Variants in PIK3C2G observed in about 807,000 individuals in gnomAD.
PIK3C2G encodes the protein phosphatidylinositol-4-phosphate 3-kinase catalytic subunit type 2 gamma.
A neutral mutation model predicts 181.1 loss-of-function variants in PIK3C2G; 168 were observed. That is an observed-to-expected ratio of 0.93 (90% CI 0.82 to 1.05). The LOEUF is 1.05. Ranked by LOEUF, PIK3C2G falls within the 50% of genes least tolerant of loss-of-function variation. The pLI, the probability that PIK3C2G is intolerant of heterozygous loss-of-function variation, is 0.00. For synonymous variants in PIK3C2G, 573 were observed against 592.2 expected (o/e 0.97, Z 0.47); for missense variants, 1,869 against 1,732.8 (o/e 1.08, Z -1.40).
At chr12:18,441,174 C>A (rs60789848) in intron 18 of PIK3C2G, among the ~76,000 whole-genome samples, 20,570 of 152,036 alleles carry the variant, frequency 0.14, 1,533 homozygotes, top group African/African-American at 0.19. Context: ...TCAAATGCTA[C>A]TGGTAGGTCA....
At chr12:18,559,821 T>TAGAGAGAGAGAGAGAG (rs1171468138) in intron 26 of PIK3C2G, among the ~76,000 whole-genome samples, 14 of 18,366 alleles carry the variant, frequency 7.6e-4, no homozygotes, top group Non-Finnish European at 1.1e-3. Context: ...TATATATATA[T>TAGAGAGAGAGAGAGAG]AGAGAGAGAG....
intron 31 of PIK3C2G, among the ~76,000 whole-genome samples, chr12:18,609,944 G>A (rs897256249): frequency 2.0e-5 from 3 of 151,980 alleles, no homozygotes; most frequent in African/African-American, 7.2e-5. Context: ...AAAAAAGGCT[G>A]GGTCCCATAT....
chr12:18,443,136 G>T (rs752015926), intron 18 of PIK3C2G, among the ~76,000 whole-genome samples: 1 of 152,140 alleles, frequency 6.6e-6, no homozygotes, highest in Non-Finnish European at 1.5e-5. Context: ...CTCCCAAAGG[G>T]CTGGGATTAC....
chr12:18,365,921 C>A (rs992455707), intron 12 of PIK3C2G, among the ~76,000 whole-genome samples: 3 of 152,142 alleles, frequency 2.0e-5, no homozygotes, highest in Admixed American at 1.3e-4. Flanking sequence ...TCGTTTCAGA[C>A]CCTATGTTCA....
chr12:18,460,498 C>T (rs551905082), intron 18 of PIK3C2G, among the ~76,000 whole-genome samples: 6 of 151,728 alleles, frequency 4.0e-5, no homozygotes, highest in Admixed American at 6.6e-5. Flanking sequence ...CGCTTGAACC[C>T]GGGAGGCAGA....
chr12:18,641,615 T>A (rs1949841504), intron 32 of PIK3C2G, among the ~76,000 whole-genome samples: 1 of 152,018 alleles, frequency 6.6e-6, no homozygotes, highest in Admixed American at 6.6e-5. Context: ...AGTCACATGA[T>A]CCATCCTCAT....
At chr12:18,481,738 G>A (rs1939579608) in intron 18 of PIK3C2G, among the ~76,000 whole-genome samples, 1 of 152,136 alleles carries the variant, frequency 6.6e-6, no homozygotes, top group South Asian at 2.1e-4. Context: ...AAGTGGTGGA[G>A]AGGGAATAAA....
chr12:18,329,469 T>C (rs2137529080), intron 8 of PIK3C2G, among the ~76,000 whole-genome samples: 1 of 152,118 alleles, frequency 6.6e-6, no homozygotes, highest in South Asian at 2.1e-4. Context: ...AGTTTGCATC[T>C]ACTAGCAATA....
At chr12:18,578,350 T>C (rs1442555398) in intron 29 of PIK3C2G, among the ~76,000 whole-genome samples, 1 of 152,204 alleles carries the variant, frequency 6.6e-6, no homozygotes, top group Admixed American at 6.5e-5. Flanking sequence ...GGACTTGGGA[T>C]AATATTCATT....
the PIK3C2G span, chr12:18,693,758 A>G: frequency 6.6e-7 from 1 of 1,522,764 alleles, no homozygotes; most frequent in East Asian, 2.3e-5. Context: ...TGTGAAAGCT[A>G]TCATGGCCAC....
chr12:18,558,619 T>A (rs1349772717), intron 26 of PIK3C2G, among the ~76,000 whole-genome samples: 1 of 152,202 alleles, frequency 6.6e-6, no homozygotes, highest in Non-Finnish European at 1.5e-5. Flanking sequence ...TAGTCATTCA[T>A]CTGCCTCTGA....
intron 5 of PIK3C2G, among the ~76,000 whole-genome samples, chr12:18,298,891 C>T (rs1291462384): frequency 6.6e-6 from 1 of 151,542 alleles, no homozygotes; most frequent in Non-Finnish European, 1.5e-5. Flanking sequence ...TTTTTTTATT[C>T]TGTTCCATTA....
At chr12:18,440,513 A>C (rs1298188001) in intron 18 of PIK3C2G, among the ~76,000 whole-genome samples, 1 of 152,176 alleles carries the variant, frequency 6.6e-6, no homozygotes, top group Non-Finnish European at 1.5e-5. Context: ...CCTTATTAAA[A>C]AGGTGACATT....
At chr12:18,260,417 T>C (rs190722444), upstream of PIK3C2G, among the ~76,000 whole-genome samples, 245 of 152,158 alleles carry the variant, frequency 1.6e-3, no homozygotes, top group African/African-American at 5.5e-3. Flanking sequence ...AATATAAAGG[T>C]ATGATTGTTT....
chr12:18,697,941 A>G, the PIK3C2G span, among the ~76,000 whole-genome samples: 2 of 152,072 alleles, frequency 1.3e-5, no homozygotes, highest in Non-Finnish European at 2.9e-5. Context: ...TGGTAATGTT[A>G]TACTTTGACT....
chr12:18,460,671 T>C (rs567846756), intron 18 of PIK3C2G, among the ~76,000 whole-genome samples: 41 of 148,446 alleles, frequency 2.8e-4, no homozygotes, highest in Admixed American at 1.5e-3. Flanking sequence ...CTGCCTAGAA[T>C]AATTAAATCA....
chr12:18,683,133 A>T, the PIK3C2G span: 1 of 938,024 alleles, frequency 1.1e-6, no homozygotes, highest in Non-Finnish European at 1.7e-6. Context: ...TTCTAGTTTT[A>T]TGAGTAATTA....
intron 18 of PIK3C2G, among the ~76,000 whole-genome samples, chr12:18,458,879 G>T (rs1439807147): frequency 6.6e-6 from 1 of 151,834 alleles, no homozygotes; most frequent in Admixed American, 6.6e-5. Flanking sequence ...AGGAAGCGGG[G>T]AGGGGCTGGA....
At chr12:18,520,889 G>A (rs1052392067) in intron 24 of PIK3C2G, among the ~76,000 whole-genome samples, 19 of 152,212 alleles carry the variant, frequency 1.2e-4, no homozygotes, top group African/African-American at 4.3e-4. Context: ...GTCTAGTTTC[G>A]ATCTTTGAGT....
Sources: allele counts gnomAD v4.1 joint callset (sites outside exome capture counted in the v4.1 genomes callset), GRCh38; gene constraint gnomAD v4.1.1; transcripts MANE v1.5; gene names NCBI Gene and HGNC (gene_info 2026-07-23, HGNC 2026-07-21).